EXOC4: variants seen among roughly 807,000 people sequenced by gnomAD.
EXOC4 encodes the protein SEC8-like 1.
A neutral mutation model predicts 107.2 loss-of-function variants in EXOC4; 71 were observed. The ratio of observed to expected loss-of-function variants is 0.66; its 90% CI spans 0.55 to 0.81. The LOEUF (loss-of-function observed/expected upper bound fraction) is 0.81. Ranked by LOEUF, EXOC4 falls within the 30% of genes least tolerant of loss-of-function variation. The pLI is 0.00. For synonymous variants in EXOC4, 456 were observed against 441.2 expected (o/e 1.03, Z -0.42); for missense variants, 1,108 against 1,189.6 (o/e 0.93, Z 1.01).
intron 11 of EXOC4, among the ~76,000 whole-genome samples, chr7:133,870,455 C>T (rs906824245): frequency 1.3e-5 from 2 of 152,158 alleles, no homozygotes; most frequent in Non-Finnish European, 2.9e-5. Flanking sequence ...TCTTCTCTAC[C>T]AGAGCTGTCT....
intron 5 of EXOC4, among the ~76,000 whole-genome samples, chr7:133,336,086 T>C (rs1795505215): frequency 6.6e-6 from 1 of 152,200 alleles, no homozygotes; most frequent in Admixed American, 6.5e-5. Context: ...ATATTCTGTA[T>C]ATTAACACAT....
chr7:134,063,321 G>A (rs746460203), intron 17 of EXOC4, among the ~76,000 whole-genome samples: 8 of 152,168 alleles, frequency 5.3e-5, no homozygotes, highest in Non-Finnish European at 1.0e-4. Flanking sequence ...TCAGCATGGT[G>A]CGATTTCTCC....
intron 9 of EXOC4, among the ~76,000 whole-genome samples, chr7:133,624,005 C>A (rs920281185): frequency 7.2e-5 from 11 of 152,124 alleles, no homozygotes; most frequent in African/African-American, 2.7e-4. Flanking sequence ...CAATTAAAGA[C>A]CCCATTTATT....
chr7:133,347,235 T>C (rs968006053), intron 5 of EXOC4, among the ~76,000 whole-genome samples: 4 of 149,794 alleles, frequency 2.7e-5, no homozygotes, highest in African/African-American at 1.0e-4. Flanking sequence ...TATATAGACG[T>C]AAACTATACT....
intron 1 of EXOC4, among the ~76,000 whole-genome samples, chr7:133,265,376 A>G (rs1469769483): frequency 3.3e-5 from 5 of 151,898 alleles, no homozygotes; most frequent in African/African-American, 1.2e-4. Context: ...ACTGCACTCC[A>G]GCCTGAGTGA....
intron 6 of EXOC4, among the ~76,000 whole-genome samples, chr7:133,368,911 T>C (rs1278015210): frequency 6.6e-6 from 1 of 152,232 alleles, no homozygotes; most frequent in Non-Finnish European, 1.5e-5. Flanking sequence ...GGTAATTTAA[T>C]GATCTTGCCT....
At chr7:134,068,218 A>T (rs1694175745), downstream of EXOC4, among the ~76,000 whole-genome samples, 1 of 152,110 alleles carries the variant, frequency 6.6e-6, no homozygotes, top group African/African-American at 2.4e-5. Context: ...CTACTTGAGG[A>T]AAGGAGCTGA....
At position 133,857,137 on chromosome 7, in the gene EXOC4, TAC is replaced by T. The variant is rs1162787838; in HGVS notation, c.1735-38458_1735-38457del. On this transcript the variant is annotated intron_variant, in intron 11 of 17. Coordinates refer to ENST00000253861, the MANE Select transcript of EXOC4 (RefSeq NM_021807.4). ...GTGTATATATATATGTATATATATA[TAC>T]ACATACACGTATATATATATATATA... 7.9e-4 allele frequency among the ~76,000 whole-genome samples: 56 copies of T among 71,106 alleles called. 2 individuals carry two copies. Among genetic ancestry groups the T allele is most frequent in the Non-Finnish European group, 9.2e-4 (36 of 39,092 alleles). The allele number at this position is 71,106 out of a possible 152,430, so 46.6% of individuals were successfully genotyped here.
In EXOC4 at chr7:133,614,939, A is replaced by G. The variant is rs370999389; in HGVS notation, c.1418-15106A>G. Among the ~76,000 whole-genome samples the G allele has an allele frequency of 2.6e-5, 4 of 152,274 alleles. No homozygotes were observed. The East Asian group carries it at 7.7e-4, about 29-fold the overall frequency. ...TGTTGAGTCCTTTCAAAACAGTGCC[A>G]GATGATGAGGAAGAAGATCTAGAAG... On this transcript the variant is annotated intron_variant, in intron 9 of 17. Coordinates refer to ENST00000253861, the MANE Select transcript of EXOC4 (RefSeq NM_021807.4).
At chr7:133,965,886 A>G (rs971120807) in intron 14 of EXOC4, among the ~76,000 whole-genome samples, 6 of 152,182 alleles carry the variant, frequency 3.9e-5, no homozygotes, top group Non-Finnish European at 7.3e-5. Context: ...TTTGATGAGG[A>G]TAGCATTGAA....
rs558851475 is a variant in EXOC4, at chr7:133,376,178, A to G, written c.1182+1176A>G. Reference sequence around the variant, plus strand: ...TTCCTGGTTTTTCATTCATTAGACAACTTTTGGTACAGTGTATATGCTTTA... The same window carrying G: ...TTCCTGGTTTTTCATTCATTAGACAGCTTTTGGTACAGTGTATATGCTTTA... On this transcript the variant is annotated intron_variant, in intron 7 of 17. Coordinates refer to ENST00000253861, the MANE Select transcript of EXOC4 (RefSeq NM_021807.4). Among the ~76,000 whole-genome samples, 104 of 152,188 alleles carry G rather than the reference A, an allele frequency of 6.8e-4. 1 individual carries two copies. Among genetic ancestry groups the G allele is most frequent in the Non-Finnish European group, 1.1e-3 (78 of 68,022 alleles).
chr7:133,352,097 T>C (rs570566791), intron 5 of EXOC4, among the ~76,000 whole-genome samples: 1 of 152,136 alleles, frequency 6.6e-6, no homozygotes, highest in African/African-American at 2.4e-5. Flanking sequence ...CAGCCTAATA[T>C]ATGGTTTGTC....
At chr7:133,569,667 A>G (rs941865653) in intron 9 of EXOC4, among the ~76,000 whole-genome samples, 3 of 152,196 alleles carry the variant, frequency 2.0e-5, no homozygotes, top group Non-Finnish European at 4.4e-5. Context: ...ACACACACAC[A>G]TAATGGTGGA....
intron 10 of EXOC4, among the ~76,000 whole-genome samples, chr7:133,816,601 G>T (rs994132625): frequency 6.6e-6 from 1 of 152,056 alleles, no homozygotes; most frequent in African/African-American, 2.4e-5. Flanking sequence ...ATATATACAT[G>T]TAAAGCAGCA....
At chr7:133,679,505 A>G (rs908460601) in intron 10 of EXOC4, among the ~76,000 whole-genome samples, 3 of 150,588 alleles carry the variant, frequency 2.0e-5, no homozygotes, top group African/African-American at 7.4e-5. Flanking sequence ...CTGATGTTCC[A>G]GGAGCTCTTG....
intron 10 of EXOC4, among the ~76,000 whole-genome samples, chr7:133,677,794 T>G (rs1446062228): frequency 1.4e-4 from 1 of 7,266 alleles, no homozygotes; most frequent in Non-Finnish European, 4.9e-4. Flanking sequence ...AGGCATCACT[T>G]TGAGGGCTTT....
At chr7:133,367,805 C>T (rs1034889493) in intron 6 of EXOC4, among the ~76,000 whole-genome samples, 3 of 152,130 alleles carry the variant, frequency 2.0e-5, no homozygotes, top group South Asian at 2.1e-4. Flanking sequence ...ACACAGTGCT[C>T]GGCATGTTGT....
chr7:133,749,022 T>A (rs1439003945), intron 10 of EXOC4, among the ~76,000 whole-genome samples: 3 of 152,186 alleles, frequency 2.0e-5, no homozygotes, highest in Non-Finnish European at 2.9e-5. Context: ...TTCAAGGATT[T>A]CAGTGGATAG....
At chr7:133,464,339 G>T (rs1165231880) in intron 7 of EXOC4, among the ~76,000 whole-genome samples, 3 of 152,180 alleles carry the variant, frequency 2.0e-5, no homozygotes, top group African/African-American at 7.2e-5. Context: ...CTTGACCAAG[G>T]TCACATAACT....
Sources: gnomAD v4.1 joint callset for allele counts (sites outside exome capture counted in the v4.1 genomes callset) on GRCh38, gnomAD v4.1.1 for gene constraint, MANE v1.5 for transcripts, NCBI Gene and HGNC (gene_info 2026-07-23, HGNC 2026-07-21) for gene names.